The following RBM15B variants were observed in gnomAD, a reference collection of about 807,000 sequenced individuals.
The protein encoded by RBM15B is RNA binding motif protein 15B.
Under a neutral mutation model 53.3 loss-of-function variants are expected in RBM15B, and 11 were observed. That is an observed-to-expected ratio of 0.21 (90% confidence interval 0.13 to 0.34). The LOEUF (loss-of-function observed/expected upper bound fraction) is 0.34. RBM15B is among the 10% of genes least tolerant of loss of function. The pLI is 1.00. For missense variants in RBM15B, 1,136 were observed against 1,250.3 expected, an observed-to-expected ratio of 0.91 and a Z score of 1.38; for synonymous variants, 631 against 540.7, an observed-to-expected ratio of 1.17 and a Z score of -2.32.
In RBM15B at chr3:51,393,211, G is replaced by C; in HGVS notation, c.1812G>C (p.Gly604=). Residue 604 remains glycine, a synonymous_variant, in exon 1 of 1, where the codon GGG becomes GGC. Transcript: ENST00000563281. This position sits in a 1 kb window ranked among gnomAD's most constrained non-coding sequence, Gnocchi z 5.6. ...GGAGAAGCCTTTCCAGTGACCGTGGGAGGACAACCCATTCACCATATGAGG... is the reference window on the plus strand; with the variant it reads ...GGAGAAGCCTTTCCAGTGACCGTGGCAGGACAACCCATTCACCATATGAGG... ...RKRRSLSSDR[G]RTTHSPYEER... is the part of the protein sequence containing the mutation. 5 of 1,613,900 alleles carry C rather than the reference G, an allele frequency of 3.1e-6. No homozygotes were observed. The highest frequency in any genetic ancestry group is 4.2e-6 in the Non-Finnish European group (5 of 1,179,880).
Position 51,391,824 on chromosome 3 carries a change from T to C in RBM15B, c.425T>C (p.Leu142Pro), listed in dbSNP as rs782680160. The C allele has an allele frequency of 6.2e-7, 1 of 1,601,304 alleles. No individual in the cohort carries two copies. The highest frequency in any genetic ancestry group is 8.5e-7 in the Non-Finnish European group (1 of 1,179,166). Residue 142 changes from leucine to proline, a missense_variant, in exon 1 of 1, where the codon CTC becomes CCC. This residue lies in a region of RBM15B where 257 missense variants were observed against 261.1 expected (regional missense o/e 0.98). Coordinates refer to ENST00000563281, the MANE Select transcript of RBM15B (RefSeq NM_013286.5). The surrounding 1 kb of genome is among the most constrained non-coding windows in gnomAD (Gnocchi z 4.5). ...GCCGCGCCTGAGTACAAGACGTTGCTCATCAGCAGCTTGAGCCCCGCGCTG... is the reference window on the plus strand; with the variant it reads ...GCCGCGCCTGAGTACAAGACGTTGCCCATCAGCAGCTTGAGCCCCGCGCTG... ...SAAAPEYKTL[L>P]ISSLSPALPA...
At position 51,391,362 on chromosome 3, in the gene RBM15B, G is replaced by A. The variant is rs2089033720; in HGVS notation, c.-38G>A. On this transcript the variant is annotated 5_prime_UTR_variant, in exon 1 of 1. An upstream open reading frame in the 5' UTR loses its in-frame stop. Transcript: ENST00000563281. The surrounding 1 kb of genome is among the most constrained non-coding windows in gnomAD (Gnocchi z 4.5). ...CCGCCGCCTCCGCCGCCGCCGCTGT[G>A]AGAAACCTACGGGCCGCCCGCCCGC... is the stretch of plus-strand genomic sequence containing the variant. 1 of 1,195,858 alleles carries A rather than the reference G, an allele frequency of 8.4e-7. No homozygotes were observed. Among genetic ancestry groups the A allele is most frequent in the East Asian group, 3.7e-5 (1 of 27,192 alleles). 74.1% of individuals were successfully genotyped at this position (1,195,858 alleles called of 1,614,324 possible). A position where few individuals can be genotyped will look rare whatever the true frequency, so the allele number is the denominator to read the frequency against.
chr3:51,391,426 T>A lies in RBM15B; in HGVS notation c.27T>A (p.Ser9=). The A allele has an allele frequency of 7.9e-7, 1 of 1,269,580 alleles. No homozygotes were observed. Among genetic ancestry groups the A allele is most frequent in the Non-Finnish European group, 1.0e-6 (1 of 1,004,450 alleles). The allele number at this position is 1,269,580 out of a possible 1,614,324, so 78.6% of individuals were successfully genotyped here. A position where few individuals can be genotyped will look rare whatever the true frequency, so the allele number is the denominator to read the frequency against. ...TGAAGCGGCAGAGCGAGCGAGACTC[T>A]AGCCCGAGCGGGCGCGGCTCGTCAT... is the stretch of plus-strand genomic sequence containing the variant. MKRQSERD[S]SPSGRGSSSS... is the part of the protein sequence containing the mutation. Residue 9 remains serine, a synonymous_variant, in exon 1 of 1, where the codon TCT becomes TCA. Coordinates refer to ENST00000563281, the MANE Select transcript of RBM15B (RefSeq NM_013286.5). The surrounding 1 kb of genome is among the most constrained non-coding windows in gnomAD (Gnocchi z 4.5).
In RBM15B at chr3:51,391,802, G is replaced by C; in HGVS notation, c.403G>C (p.Ala135Pro). 1 of 1,593,194 alleles carries C rather than the reference G, an allele frequency of 6.3e-7. No homozygotes were observed. Among genetic ancestry groups the C allele is most frequent in the Non-Finnish European group, 8.5e-7 (1 of 1,176,780 alleles). Residue 135 changes from alanine to proline, a missense_variant, in exon 1 of 1, where the codon GCG becomes CCG. By Grantham distance (27) the Ala-to-Pro change is conservative. Coordinates refer to ENST00000563281, the MANE Select transcript of RBM15B (RefSeq NM_013286.5). The surrounding 1 kb of genome is among the most constrained non-coding windows in gnomAD (Gnocchi z 4.5). ...CGCGTGTCCCGGCTCATCCGCGGCC[G>C]CGCCTGAGTACAAGACGTTGCTCAT... ...EPACPGSSAA[A>P]PEYKTLLISS...
Position 51,392,965 on chromosome 3 carries a change from C to A in RBM15B, c.1566C>A (p.Asn522Lys). ...CAGATGGATACACCCGGCACCGCAACCTGGACGCCGACCTGGTGCGGGACA... is the reference window on the plus strand; with the variant it reads ...CAGATGGATACACCCGGCACCGCAAACTGGACGCCGACCTGGTGCGGGACA... ...LLTDGYTRHR[N>K]LDADLVRDRT... Residue 522 changes from asparagine (N) to lysine (K), a missense_variant, in exon 1 of 1, where the codon AAC (asparagine) becomes AAA (lysine). Physicochemically the swap from Asn to Lys is moderately conservative, Grantham distance 94. Transcript: ENST00000563281. This position sits in a 1 kb window ranked among gnomAD's most constrained non-coding sequence, Gnocchi z 7.5. 1 of 1,613,800 alleles carries A rather than the reference C, an allele frequency of 6.2e-7. No homozygotes were observed. Among genetic ancestry groups the A allele is most frequent in the South Asian group, 1.1e-5 (1 of 91,086 alleles).
In RBM15B at chr3:51,393,759, G is replaced by C. The variant is rs782608570; in HGVS notation, c.2360G>C (p.Ser787Thr). 1 of 1,613,750 alleles carries C rather than the reference G, an allele frequency of 6.2e-7. No individual in the cohort carries two copies. Among genetic ancestry groups the C allele is most frequent in the East Asian group, 2.2e-5 (1 of 44,882 alleles). The change falls in exon 1 of 1, where the codon AGC (serine) becomes ACC (threonine). Residue 787 changes from serine to threonine, a missense_variant. Physicochemically the swap from Ser to Thr is moderately conservative, Grantham distance 58. Coordinates refer to ENST00000563281, the MANE Select transcript of RBM15B (RefSeq NM_013286.5). The surrounding 1 kb of genome is among the most constrained non-coding windows in gnomAD (Gnocchi z 5.6). ...DEVTRRIKQGSPNGYAVLLAT... is the reference protein window; with the variant it reads ...DEVTRRIKQGTPNGYAVLLAT... ...GTCACACGACGCATCAAGCAGGGGA[G>C]CCCCAACGGCTATGCGGTCCTCTTA...
rs1339069077 is a variant in RBM15B, at chr3:51,395,087, G to T, written c.*1015G>T. 2 of 167,128 alleles carry T rather than the reference G, an allele frequency of 1.2e-5. No homozygotes were observed. The highest frequency in any genetic ancestry group is 2.9e-5 in the Non-Finnish European group (2 of 68,204). 10.4% of individuals were successfully genotyped at this position (167,128 alleles called of 1,614,324 possible). On this transcript the variant is annotated 3_prime_UTR_variant, in exon 1 of 1. Transcript: ENST00000563281. ...TCAGGGGTGATGGGTAATAGAGCAG[G>T]CCCGTGTCCAGTCATACCTAGAGAT... is the stretch of plus-strand genomic sequence containing the variant.
rs1395417108 is a variant in RBM15B, at chr3:51,391,687, C to G, written c.288C>G (p.Gly96=). ...SGSGAGGGGR[G]GKASGDPGAS... ...CCGGCGCTGGCGGCGGGGGACGCGGCGGCAAGGCCTCGGGGGACCCGGGCG... is the reference window on the plus strand; with the variant it reads ...CCGGCGCTGGCGGCGGGGGACGCGGGGGCAAGGCCTCGGGGGACCCGGGCG... Residue 96 remains glycine (G), a synonymous_variant, in exon 1 of 1, where the codon GGC becomes GGG. Coordinates refer to ENST00000563281, the MANE Select transcript of RBM15B (RefSeq NM_013286.5). The surrounding 1 kb of genome is among the most constrained non-coding windows in gnomAD (Gnocchi z 4.5). 1 of 1,225,574 alleles carries G rather than the reference C, an allele frequency of 8.2e-7. No homozygotes were observed. The highest frequency in any genetic ancestry group is 1.6e-5 in the African/African-American group (1 of 63,478). The allele number at this position is 1,225,574 out of a possible 1,614,324, so 75.9% of individuals were successfully genotyped here.
rs1553622206 is a variant in RBM15B at position 51,394,259 on chromosome 3, T to A, written c.*187T>A. On this transcript the variant is annotated 3_prime_UTR_variant, in exon 1 of 1. Transcript: ENST00000563281. The stretch of plus-strand genomic sequence containing the variant: ...TTAGATTTTGGGGGATTTTTTTTTT[T>A]AAACGATGAGAAGGGAATCCGGTTA... 5.3e-5 allele frequency: 41 copies of A among 769,140 alleles called. No individual in the cohort carries two copies. Among genetic ancestry groups the A allele is most frequent in the East Asian group, 1.0e-4 (3 of 28,582 alleles). 47.6% of individuals were successfully genotyped at this position (769,140 alleles called of 1,614,324 possible).
Position 51,392,517 on chromosome 3 carries a change from G to T in RBM15B, c.1118G>T (p.Arg373Leu). Residue 373 changes from arginine (R) to leucine (L), a missense_variant, in exon 1 of 1, where the codon CGT becomes CTT. Transcript: ENST00000563281. The surrounding 1 kb of genome is among the most constrained non-coding windows in gnomAD (Gnocchi z 7.5). ...IEEVVIKRPA[R>L]GQGGAYAFLK... ...GAGGTGGTCATCAAGAGGCCTGCCC[G>T]TGGCCAGGGCGGTGCCTATGCCTTC... 6.2e-7 allele frequency: 1 copy of T among 1,613,886 alleles called. No individual in the cohort carries two copies. The highest frequency in any genetic ancestry group is 1.1e-5 in the South Asian group (1 of 91,088).
Position 51,395,496 on chromosome 3 carries a change from T to C in RBM15B, c.*1424T>C. 1 of 279,528 alleles carries C rather than the reference T, an allele frequency of 3.6e-6. No homozygotes were observed. 17.3% of individuals were successfully genotyped at this position (279,528 alleles called of 1,614,324 possible). On this transcript the variant is annotated 3_prime_UTR_variant, in exon 1 of 1. Transcript: ENST00000563281. ...GGGAGGAAAACCAGAGCACACAGTT[T>C]TGTCACCATGGAACACCCCAAATGC...
rs2089066929 is a variant in RBM15B, at chr3:51,393,101, C to G, written c.1702C>G (p.Arg568Gly). 3 of 1,613,898 alleles carry G rather than the reference C, an allele frequency of 1.9e-6. No homozygotes were observed. The highest frequency in any genetic ancestry group is 1.7e-5 in the Admixed American group (1 of 59,996). The change falls in exon 1 of 1, where the codon CGC becomes GGC. Residue 568 changes from arginine to glycine, a missense_variant. By Grantham distance (125) the Arg-to-Gly change is moderately radical. Around this residue, in one of 7 missense-constraint regions of RBM15B, gnomAD observed 578 missense variants for 581.6 expected, o/e 0.99. Coordinates refer to ENST00000563281, the MANE Select transcript of RBM15B (RefSeq NM_013286.5). This position sits in a 1 kb window ranked among gnomAD's most constrained non-coding sequence, Gnocchi z 5.6. The stretch of plus-strand genomic sequence containing the variant: ...CCGAAACAGCCTTGAGGGCTACAGT[C>G]GCTCAGTGCGCAGCCGGAGTGGTGA... ...DRRNSLEGYS[R>G]SVRSRSGERW... is the part of the protein sequence containing the mutation.
Position 51,397,273 on chromosome 3 carries a change from G to A in RBM15B, c.*3201G>A, listed in dbSNP as rs1305899814. 6.0e-6 allele frequency: 1 copy of A among 167,070 alleles called. No homozygotes were observed. The highest frequency in any genetic ancestry group is 2.4e-5 in the African/African-American group (1 of 41,444). The allele number at this position is 167,070 out of a possible 1,614,324, so 10.3% of individuals were successfully genotyped here. On this transcript the variant is annotated 3_prime_UTR_variant, in exon 1 of 1. Transcript: ENST00000563281. ...CAGGGTGGGGCGGGTGAGTGAAAAG[G>A]TGGAAATCCCTGGTACCTTGCCTGG...
Position 51,391,749 on chromosome 3 carries a change from C to T in RBM15B, c.350C>T (p.Pro117Leu), listed in dbSNP as rs2089040727. The change falls in exon 1 of 1, where the codon CCG becomes CTG. Residue 117 changes from proline to leucine, a missense_variant. Around this residue, in one of 7 missense-constraint regions of RBM15B, gnomAD observed 257 missense variants for 261.1 expected, o/e 0.98. Transcript: ENST00000563281. This position sits in a 1 kb window ranked among gnomAD's most constrained non-coding sequence, Gnocchi z 4.5. ...TCGCCCCGCGCGTCTCCTCTGCCGC[C>T]GCCTCCGCCACCGCCTGGGGCCGAG... is the stretch of plus-strand genomic sequence containing the variant. ...GMSPRASPLP[P>L]PPPPPGAEPA... 1 of 1,547,002 alleles carries T rather than the reference C, an allele frequency of 6.5e-7. No homozygotes were observed. The highest frequency in any genetic ancestry group is 8.6e-7 in the Non-Finnish European group (1 of 1,157,322).
chr3:51,392,526 G>T lies in RBM15B; in HGVS notation c.1127G>T (p.Gly376Val). 1 of 1,613,912 alleles carries T rather than the reference G, an allele frequency of 6.2e-7. No individual in the cohort carries two copies. Residue 376 changes from glycine to valine, a missense_variant, in exon 1 of 1, where the codon GGC becomes GTC. Transcript: ENST00000563281. This position sits in a 1 kb window ranked among gnomAD's most constrained non-coding sequence, Gnocchi z 7.5. The stretch of plus-strand genomic sequence containing the variant: ...ATCAAGAGGCCTGCCCGTGGCCAGG[G>T]CGGTGCCTATGCCTTCCTCAAGTTC... ...VVIKRPARGQ[G>V]GAYAFLKFQN...
chr3:51,395,865 A>AAGAC lies in RBM15B; in HGVS notation c.*1795_*1798dup, dbSNP rs1276290991. On this transcript the variant is annotated 3_prime_UTR_variant, in exon 1 of 1. Transcript: ENST00000563281. The stretch of plus-strand genomic sequence containing the variant: ...ACGTTCATAACAAAACAGCAACACA[A>AAGAC]AGACATGTTAAGCATGTTTATTTAT... 1.5e-5 allele frequency: 6 copies of AAGAC among 413,400 alleles called. No homozygotes were observed. Among genetic ancestry groups the AAGAC allele is most frequent in the Admixed American group, 4.4e-5 (1 of 22,732 alleles). 25.6% of individuals were successfully genotyped at this position (413,400 alleles called of 1,614,324 possible).
In RBM15B at chr3:51,391,586, G is replaced by T; in HGVS notation, c.187G>T (p.Gly63Cys). 8.5e-7 allele frequency: 1 copy of T among 1,178,530 alleles called. No individual in the cohort carries two copies. Among genetic ancestry groups the T allele is most frequent in the Non-Finnish European group, 1.0e-6 (1 of 954,096 alleles). 73.0% of individuals were successfully genotyped at this position (1,178,530 alleles called of 1,614,324 possible). Reference sequence around the variant, plus strand: ...CGACAAACCCCGCGGCAGCGGAAGCGGCGGGGGCGGGCATCGCGACGGCCG... The same window carrying T: ...CGACAAACCCCGCGGCAGCGGAAGCTGCGGGGGCGGGCATCGCGACGGCCG... ...ARDKPRGSGS[G>C]GGGHRDGRGT... Residue 63 changes from glycine (G) to cysteine (C), a missense_variant, in exon 1 of 1, where the codon GGC (glycine) becomes TGC (cysteine). Physicochemically the swap from Gly to Cys is radical, Grantham distance 159. Transcript: ENST00000563281. This position sits in a 1 kb window ranked among gnomAD's most constrained non-coding sequence, Gnocchi z 4.5.
chr3:51,393,043 G>C lies in RBM15B; in HGVS notation c.1644G>C (p.Gly548=). Residue 548 remains glycine, a synonymous_variant, in exon 1 of 1, where the codon GGG becomes GGC. Coordinates refer to ENST00000563281, the MANE Select transcript of RBM15B (RefSeq NM_013286.5). The surrounding 1 kb of genome is among the most constrained non-coding windows in gnomAD (Gnocchi z 5.6). ...YSDRDRTFLE[G]DWTSPSKSSD... ...ACCGAGACCGGACTTTTTTGGAAGG[G>C]GACTGGACCAGCCCCAGTAAAAGCT... The C allele has an allele frequency of 6.2e-7, 1 of 1,613,816 alleles. No homozygotes were observed. The highest frequency in any genetic ancestry group is 8.5e-7 in the Non-Finnish European group (1 of 1,179,998).
chr3:51,393,989 C>A lies in RBM15B; in HGVS notation c.2590C>A (p.Gln864Lys), dbSNP rs370053981. The change falls in exon 1 of 1, where the codon CAG (glutamine) becomes AAG (lysine). Residue 864 changes from glutamine (Q) to lysine (K), a missense_variant. Around this residue, in one of 7 missense-constraint regions of RBM15B, gnomAD observed 578 missense variants for 581.6 expected, o/e 0.99. Coordinates refer to ENST00000563281, the MANE Select transcript of RBM15B (RefSeq NM_013286.5). This position sits in a 1 kb window ranked among gnomAD's most constrained non-coding sequence, Gnocchi z 5.6. ...CTTCCCACCCTGCGACTTTTCCCAG[C>A]AGTACCTCCAGTCAGCACTAAGGAC... Reference protein sequence around the residue: ...YAFPPCDFSQQYLQSALRTLG... With the variant: ...YAFPPCDFSQKYLQSALRTLG... The A allele has an allele frequency of 4.2e-5, 63 of 1,512,834 alleles. No homozygotes were observed. The highest frequency in any genetic ancestry group is 5.3e-5 in the Non-Finnish European group (60 of 1,131,394). 93.7% of individuals were successfully genotyped at this position (1,512,834 alleles called of 1,614,324 possible).
Sources: gnomAD v4.1 joint callset for allele counts on GRCh38, gnomAD v4.1.1 for gene constraint, gnomAD v4.1.1 regional missense constraint, Gnocchi (gnomAD v3.1) non-coding constraint, MANE v1.5 for transcripts, NCBI Gene and HGNC (gene_info 2026-07-23, HGNC 2026-07-21) for gene names.